The following GNAZ variants were observed in gnomAD, a reference collection of about 807,000 sequenced individuals.
GNAZ encodes G protein subunit alpha z, also known as guanine nucleotide-binding protein G(z) subunit alpha.
In GNAZ, 3 loss-of-function variants were observed where a neutral mutation model predicts 25.4. The ratio of observed to expected loss-of-function variants is 0.12; its 90% confidence interval spans 0.05 to 0.30. The LOEUF (loss-of-function observed/expected upper bound fraction) is 0.30. Ranked by LOEUF, GNAZ falls within the 10% of genes least tolerant of loss-of-function variation. GNAZ has a pLI of 1.00. For missense variants in GNAZ, 241 were observed against 501.8 expected (o/e 0.48, Z 4.97); for synonymous variants, 211 against 205.7 (o/e 1.03, Z -0.22).
chr22:23,102,762 C>T (rs2069342968), intron 2 of GNAZ, among the ~76,000 whole-genome samples: 1 of 152,264 alleles, frequency 6.6e-6, no homozygotes, highest in Non-Finnish European at 1.5e-5. Context: ...CAAGCTGTCA[C>T]TGAACACAGC....
intron 1 of GNAZ, among the ~76,000 whole-genome samples, chr22:23,087,138 G>A (rs972496042): frequency 6.6e-6 from 1 of 152,170 alleles, no homozygotes; most frequent in Admixed American, 6.5e-5. Context: ...ATGTAGGGAC[G>A]GCGGCTCCAG....
intron 1 of GNAZ, among the ~76,000 whole-genome samples, chr22:23,093,062 C>A (rs2069030859): frequency 6.6e-6 from 1 of 152,234 alleles, no homozygotes; most frequent in East Asian, 1.9e-4. Context: ...GGAGCAGCCA[C>A]AGGGTCTCCA....
chr22:23,081,544 G>A (rs2068678038), intron 1 of GNAZ, among the ~76,000 whole-genome samples: 1 of 151,862 alleles, frequency 6.6e-6, no homozygotes, highest in Non-Finnish European at 1.5e-5. Flanking sequence ...ATATGTTATA[G>A]GCCAATCAGG....
intron 2 of GNAZ, among the ~76,000 whole-genome samples, chr22:23,103,721 C>T (rs757633533): frequency 5.3e-5 from 8 of 152,248 alleles, no homozygotes; most frequent in Non-Finnish European, 1.2e-4. Context: ...TTGCAGGAAG[C>T]AGTCCTTGTT....
intron 2 of GNAZ, among the ~76,000 whole-genome samples, chr22:23,114,876 G>A (rs909712171): frequency 1.3e-5 from 2 of 152,172 alleles, no homozygotes; most frequent in Non-Finnish European, 2.9e-5. Flanking sequence ...TCACACAAGA[G>A]CACCTGGAGA....
rs1360807215 is a variant in GNAZ, at chr22:23,124,098, C to T, written c.*667C>T. 1.4e-5 allele frequency: 3 copies of T among 211,028 alleles called. No individual in the cohort carries two copies. The highest frequency in any genetic ancestry group is 5.5e-5 in the South Asian group (1 of 18,290). The allele number at this position is 211,028 out of a possible 1,614,324, so 13.1% of individuals were successfully genotyped here. A position where few individuals can be genotyped will look rare whatever the true frequency, so the allele number is the denominator to read the frequency against. On this transcript the variant is annotated 3_prime_UTR_variant, in exon 3 of 3. Transcript: ENST00000615612. The stretch of plus-strand genomic sequence containing the variant: ...AACCAATACAACAAAACGAGTGGCA[C>T]GATTTATTTCAAACTAGGCCAGCTG...
intron 1 of GNAZ, among the ~76,000 whole-genome samples, chr22:23,077,774 A>G (rs2068546162): frequency 6.6e-6 from 1 of 152,172 alleles, no homozygotes; most frequent in Non-Finnish European, 1.5e-5. Flanking sequence ...GGGCCTTCTG[A>G]AGACCCTTCT....
chr22:23,092,964 G>A (rs9624023), intron 1 of GNAZ, among the ~76,000 whole-genome samples: 16,018 of 152,246 alleles, frequency 0.11, 2,688 homozygotes, highest in African/African-American at 0.35. Flanking sequence ...GTGCTGGTAG[G>A]GAGAACCCTG....
chr22:23,086,509 C>T lies in GNAZ; in HGVS notation c.-449-8738C>T, dbSNP rs145700129. On this transcript the variant is annotated intron_variant, in intron 1 of 2. Coordinates refer to ENST00000615612, the MANE Select transcript of GNAZ (RefSeq NM_002073.4). ...GGTTCCCTGGGCACCTTCCTCTCCT[C>T]CCAGTGGCCTCAGCCACCCGAGCAG... 4.3e-3 allele frequency among the ~76,000 whole-genome samples: 659 copies of T among 152,338 alleles called. 5 individuals are homozygous for T. Among genetic ancestry groups the T allele is most frequent in the African/African-American group, 0.015 (629 of 41,568 alleles).
chr22:23,103,707 ATCCTTGCAGGAAGCAG>A (rs1267502672), intron 2 of GNAZ, among the ~76,000 whole-genome samples: 1 of 152,184 alleles, frequency 6.6e-6, no homozygotes, highest in Non-Finnish European at 1.5e-5. Context: ...GCCCTGTGGC[ATCCTTGCAGGAAGCAG>A]TCCTTGTTCA....
intron 2 of GNAZ, among the ~76,000 whole-genome samples, chr22:23,119,283 G>A (rs1396476006): frequency 6.6e-6 from 1 of 152,214 alleles, no homozygotes; most frequent in Non-Finnish European, 1.5e-5. Flanking sequence ...CTGGGCTTCT[G>A]GCCTGGCAAC....
intron 1 of GNAZ, among the ~76,000 whole-genome samples, chr22:23,079,124 C>T (rs565971998): frequency 2.4e-4 from 37 of 152,352 alleles, no homozygotes; most frequent in South Asian, 6.2e-4. Flanking sequence ...CCAACAGTCC[C>T]TGCCCTATGG....
intron 1 of GNAZ, among the ~76,000 whole-genome samples, chr22:23,087,773 A>T (rs1369561860): frequency 6.6e-6 from 1 of 152,128 alleles, no homozygotes; most frequent in Non-Finnish European, 1.5e-5. Flanking sequence ...GGTGGGGGCC[A>T]CAAGATCAGA....
chr22:23,123,491 G>A lies in GNAZ; in HGVS notation c.*60G>A, dbSNP rs764721927. 36 of 1,133,136 alleles carry A rather than the reference G, an allele frequency of 3.2e-5. No individual in the cohort carries two copies. The highest frequency in any genetic ancestry group is 1.2e-4 in the African/African-American group (8 of 64,654). 70.2% of individuals were successfully genotyped at this position (1,133,136 alleles called of 1,614,324 possible). ...AACCCACGGGGTGTCATGCCCCAAC[G>A]CGTGCTAGAGAGGCCCAATCCAGGG... On this transcript the variant is annotated 3_prime_UTR_variant, in exon 3 of 3. Coordinates refer to ENST00000615612, the MANE Select transcript of GNAZ (RefSeq NM_002073.4).
chr22:23,112,223 G>C (rs777739302), intron 2 of GNAZ, among the ~76,000 whole-genome samples: 4 of 152,204 alleles, frequency 2.6e-5, no homozygotes, highest in Admixed American at 6.5e-5. Flanking sequence ...TGGTTTCTGA[G>C]GGGCCCTTCT....
intron 2 of GNAZ, among the ~76,000 whole-genome samples, chr22:23,100,924 G>A (rs2069284806): frequency 6.6e-6 from 1 of 152,192 alleles, no homozygotes; most frequent in African/African-American, 2.4e-5. Flanking sequence ...CCCTAGCGCT[G>A]TGGTTTATCA....
intron 2 of GNAZ, among the ~76,000 whole-genome samples, chr22:23,097,949 G>A (rs1484185595): frequency 2.0e-5 from 3 of 152,266 alleles, no homozygotes; most frequent in South Asian, 2.1e-4. Context: ...TTGACAGGCC[G>A]TGCCCACAGG....
intron 2 of GNAZ, among the ~76,000 whole-genome samples, chr22:23,113,792 C>T (rs1274229800): frequency 6.6e-6 from 1 of 152,228 alleles, no homozygotes; most frequent in Non-Finnish European, 1.5e-5. Context: ...TCAGGATGGC[C>T]CAGGCAGGTT....
At chr22:23,110,707 G>A (rs775831390) in intron 2 of GNAZ, among the ~76,000 whole-genome samples, 2 of 152,370 alleles carry the variant, frequency 1.3e-5, no homozygotes, top group East Asian at 3.9e-4. Context: ...GGGTGAGGGT[G>A]TCCACCCTGG....
Sources: gnomAD v4.1 joint callset for allele counts (sites outside exome capture counted in the v4.1 genomes callset) on GRCh38, gnomAD v4.1.1 for gene constraint, MANE v1.5 for transcripts, NCBI Gene and HGNC (gene_info 2026-07-23, HGNC 2026-07-21) for gene names.